Variants in BTRC observed in about 807,000 individuals in gnomAD.
BTRC encodes the protein F-box/WD repeat-containing protein 1A.
A neutral mutation model predicts 85.5 loss-of-function variants in BTRC; 42 were observed. That is an observed-to-expected ratio of 0.49 (90% CI 0.38 to 0.64). BTRC has a LOEUF of 0.64. Among genes scored for constraint, BTRC ranks in the 30% least tolerant of loss-of-function variants. The pLI is 0.00. For synonymous variants in BTRC, 255 were observed against 263.3 expected (o/e 0.97, Z 0.30); for missense variants, 594 against 743.5 (o/e 0.80, Z 2.34).
rs575643233 is a variant in BTRC at position 101,509,599 on chromosome 10, C to G, written c.325-12040C>G. On this transcript the variant is annotated intron_variant, in intron 4 of 14. Transcript: ENST00000370187. ...ACAAGGTCTCTCTCTGTTGTTTAGGCTGAAGTGCAGTGGCATGACCACGGC... is the reference window on the plus strand; with the variant it reads ...ACAAGGTCTCTCTCTGTTGTTTAGGGTGAAGTGCAGTGGCATGACCACGGC... Among the ~76,000 whole-genome samples, 8 of 147,748 alleles carry G rather than the reference C, an allele frequency of 5.4e-5. 1 individual carries two copies. Among genetic ancestry groups the G allele is most frequent in the Admixed American group, 2.7e-4 (4 of 14,732 alleles).
At chr10:101,355,121 T>C (rs965076781) in intron 1 of BTRC, among the ~76,000 whole-genome samples, 1 of 152,056 alleles carries the variant, frequency 6.6e-6, no homozygotes, top group Admixed American at 6.6e-5. Flanking sequence ...TAAAGGTAAA[T>C]TGTGGGACGG....
intron 1 of BTRC, among the ~76,000 whole-genome samples, chr10:101,410,968 A>T (rs942138519): frequency 6.6e-6 from 1 of 150,778 alleles, no homozygotes; most frequent in Non-Finnish European, 1.5e-5. Context: ...AAACAATTTT[A>T]AAAATATTGA....
chr10:101,428,077 G>A (rs1165875882), intron 1 of BTRC, among the ~76,000 whole-genome samples: 2 of 152,044 alleles, frequency 1.3e-5, no homozygotes, highest in Non-Finnish European at 2.9e-5. Context: ...ATTAAGAACC[G>A]CTGGCAGAGA....
chr10:101,461,808 A>G lies in BTRC; in HGVS notation c.157-173A>G, dbSNP rs556370587. ...ACATAATTTATTTATATACATGGGC[A>G]TATGTTTTCTTTTACATATGTGTAT... On this transcript the variant is annotated intron_variant, in intron 2 of 14. Transcript: ENST00000370187. Among the ~76,000 whole-genome samples, 4 of 152,222 alleles carry G rather than the reference A, an allele frequency of 2.6e-5. No individual in the cohort carries two copies. In the South Asian group the frequency reaches 8.3e-4, roughly 31 times the overall value.
intron 1 of BTRC, among the ~76,000 whole-genome samples, chr10:101,362,955 G>T (rs866838756): frequency 2.0e-5 from 3 of 152,292 alleles, no homozygotes; most frequent in South Asian, 4.1e-4. Context: ...ATGGGAGGAT[G>T]TGTGTAGGTT....
At chr10:101,522,948 G>A (rs1161577767) in intron 5 of BTRC, among the ~76,000 whole-genome samples, 3 of 151,926 alleles carry the variant, frequency 2.0e-5, no homozygotes, top group African/African-American at 7.2e-5. Flanking sequence ...GCTCAGGCCT[G>A]TAATTCCAGC....
chr10:101,428,838 T>A (rs1589454762), intron 1 of BTRC, among the ~76,000 whole-genome samples: 1 of 152,304 alleles, frequency 6.6e-6, no homozygotes. Flanking sequence ...CTATCTATCT[T>A]TATTTAGATA....
chr10:101,402,403 G>A (rs1424754131), intron 1 of BTRC, among the ~76,000 whole-genome samples: 1 of 152,062 alleles, frequency 6.6e-6, no homozygotes, highest in Non-Finnish European at 1.5e-5. Flanking sequence ...TATCAGTGTT[G>A]TATTTGACTA....
chr10:101,452,685 T>C (rs1443802849), intron 2 of BTRC, among the ~76,000 whole-genome samples: 1 of 152,176 alleles, frequency 6.6e-6, no homozygotes, highest in Non-Finnish European at 1.5e-5. Flanking sequence ...TTCTATCTAG[T>C]TGTTAGCACT....
At chr10:101,495,424 C>T (rs1221412155) in intron 4 of BTRC, among the ~76,000 whole-genome samples, 2 of 152,110 alleles carry the variant, frequency 1.3e-5, no homozygotes, top group Non-Finnish European at 2.9e-5. Context: ...ACAATTAAAG[C>T]AAATTAAAAA....
At chr10:101,546,973 A>G (rs1436422259) in intron 13 of BTRC, among the ~76,000 whole-genome samples, 2 of 152,242 alleles carry the variant, frequency 1.3e-5, no homozygotes, top group Non-Finnish European at 2.9e-5. Flanking sequence ...TATCTCTTCT[A>G]TAAGATAAAA....
Position 101,541,361 on chromosome 10 carries a change from G to T in BTRC, c.1656+2990G>T, listed in dbSNP as rs201012455. 8.6e-5 allele frequency among the ~76,000 whole-genome samples: 13 copies of T among 151,824 alleles called. No individual in the cohort carries two copies. In the East Asian group the frequency reaches 2.5e-3, roughly 29 times the overall value. On this transcript the variant is annotated intron_variant, in intron 13 of 14. Coordinates refer to ENST00000370187, the MANE Select transcript of BTRC (RefSeq NM_033637.4). ...TGCAAGCTCTGCCTCCTGGGTTCAC[G>T]CCATTCTCCTGCCTCAGCTTCCTGA... is the stretch of plus-strand genomic sequence containing the variant.
rs899038842 is a variant in BTRC at position 101,362,399 on chromosome 10, A to T, written c.48+8171A>T. Among the ~76,000 whole-genome samples, 316 of 148,132 alleles carry T rather than the reference A, an allele frequency of 2.1e-3. 1 individual carries two copies. Among genetic ancestry groups the T allele is most frequent in the Non-Finnish European group, 3.8e-3 (257 of 66,982 alleles). ...ACAGGAGAATGCAGAGGTGCAAGAA[A>T]TTTTTTTTTTTTTGAGATGGAGTTT... On this transcript the variant is annotated intron_variant, in intron 1 of 14. Transcript: ENST00000370187.
intron 4 of BTRC, among the ~76,000 whole-genome samples, chr10:101,496,068 T>C (rs1281073927): frequency 1.3e-5 from 2 of 152,112 alleles, no homozygotes; most frequent in Admixed American, 6.6e-5. Flanking sequence ...TATATTGTTA[T>C]GTATGTATAG....
At chr10:101,460,474 G>A (rs752721059) in intron 2 of BTRC, among the ~76,000 whole-genome samples, 3 of 152,108 alleles carry the variant, frequency 2.0e-5, no homozygotes, top group Non-Finnish European at 2.9e-5. Context: ...CCCTTTCTTT[G>A]TAATATAGCA....
intron 4 of BTRC, among the ~76,000 whole-genome samples, chr10:101,483,902 C>G (rs555845658): frequency 3.9e-5 from 6 of 152,160 alleles, no homozygotes; most frequent in African/African-American, 1.4e-4. Context: ...AAAAGCATTA[C>G]TTTTTTATGT....
chr10:101,517,800 G>C (rs1454219964), intron 4 of BTRC, among the ~76,000 whole-genome samples: 1 of 152,030 alleles, frequency 6.6e-6, no homozygotes, highest in African/African-American at 2.4e-5. Flanking sequence ...AATTCAGTAG[G>C]ATCTGTCTTC....
At chr10:101,387,863 T>C (rs1476672065) in intron 1 of BTRC, among the ~76,000 whole-genome samples, 1 of 151,990 alleles carries the variant, frequency 6.6e-6, no homozygotes, top group Admixed American at 6.6e-5. Flanking sequence ...CTAATTTTTG[T>C]ATTTTTAGGA....
intron 2 of BTRC, among the ~76,000 whole-genome samples, chr10:101,449,865 G>A (rs1247354012): frequency 6.6e-6 from 1 of 150,758 alleles, no homozygotes; most frequent in East Asian, 1.9e-4. Flanking sequence ...GTTCCATCAC[G>A]AAAAACACAA....
Sources: gnomAD v4.1 joint callset for allele counts (sites outside exome capture counted in the v4.1 genomes callset) on GRCh38, gnomAD v4.1.1 for gene constraint, MANE v1.5 for transcripts, NCBI Gene and HGNC (gene_info 2026-07-23, HGNC 2026-07-21) for gene names.